Variants in TSTD2 observed in about 807,000 individuals in gnomAD.
TSTD2 encodes the protein thiosulfate sulfurtransferase/rhodanese-like domain-containing protein 2.
In TSTD2, 37 loss-of-function variants were observed where a neutral mutation model predicts 47.9. The ratio of observed to expected loss-of-function variants is 0.77; its 90% CI spans 0.59 to 1.02. TSTD2 has a LOEUF of 1.02. TSTD2 is among the 50% of genes least tolerant of loss of function. The pLI is 0.00. For missense variants in TSTD2, 586 were observed against 616.0 expected (o/e 0.95, Z 0.52); for synonymous variants, 201 against 215.9 (o/e 0.93, Z 0.61).
chr9:97,617,641 CCTAA>C (rs1267293793), intron 4 of TSTD2, 112 bp downstream of exon 4: 34 of 1,325,558 alleles, frequency 2.6e-5, no homozygotes, highest in Non-Finnish European at 3.3e-5. Context: ...GCAGAATTTC[CCTAA>C]CTTTTAAGAA....
At chr9:97,606,890 A>G (rs929486941) in intron 6 of TSTD2, among the ~76,000 whole-genome samples, 11 of 152,014 alleles carry the variant, frequency 7.2e-5, no homozygotes, top group African/African-American at 2.7e-4. Context: ...GACAACAGAA[A>G]CGACATATGA....
chr9:97,602,944 C>T (rs190313949), intron 9 of TSTD2, 177 bp from the exon 10 acceptor site: 2 of 568,324 alleles, frequency 3.5e-6, no homozygotes, highest in Admixed American at 4.0e-5. Context: ...CACCACCCAG[C>T]TTATTTTTTT....
intron 5 of TSTD2, 151 bp downstream of exon 5, chr9:97,611,423 A>G: frequency 1.1e-6 from 1 of 900,520 alleles, no homozygotes; most frequent in Non-Finnish European, 1.5e-6. Context: ...TCAAAAAACA[A>G]AACAAAAAAA....
Position 97,600,141 on chromosome 9 carries a change from C to CTGA in TSTD2, c.*2325_*2327dup. On this transcript the variant is annotated 3_prime_UTR_variant, in exon 10 of 10. Transcript: ENST00000341170. ...TTGTCTTAGCTATTAGCAAATAAAA[C>CTGA]TGATTATCATTCTTTATTAACCCTC... The CTGA allele has an allele frequency of 1.0e-6, 1 of 1,003,048 alleles. No homozygotes were observed. Among genetic ancestry groups the CTGA allele is most frequent in the African/African-American group, 1.7e-5 (1 of 58,000 alleles). 62.1% of individuals were successfully genotyped at this position (1,003,048 alleles called of 1,614,324 possible).
At chr9:97,631,390 G>T (rs1404841934) in intron 1 of TSTD2, among the ~76,000 whole-genome samples, 1 of 151,992 alleles carries the variant, frequency 6.6e-6, no homozygotes, top group Non-Finnish European at 1.5e-5. Context: ...CAAAGTGCTA[G>T]GATTACAGGG....
At chr9:97,614,975 G>A (rs893286258) in intron 4 of TSTD2, among the ~76,000 whole-genome samples, 4 of 152,168 alleles carry the variant, frequency 2.6e-5, no homozygotes, top group Non-Finnish European at 5.9e-5. Flanking sequence ...CCCAATCAGT[G>A]TAAGAGTCAG....
chr9:97,626,483 G>A (rs910656798), intron 2 of TSTD2, among the ~76,000 whole-genome samples: 1 of 152,092 alleles, frequency 6.6e-6, no homozygotes, highest in Non-Finnish European at 1.5e-5. Context: ...ACATTAAAAA[G>A]TACATTGAAA....
Position 97,627,588 on chromosome 9 carries a change from G to T in TSTD2, c.-26C>A, listed in dbSNP as rs752985158. On this transcript the variant is annotated 5_prime_UTR_variant, in exon 2 of 10. The change creates a new upstream start codon in the 5' untranslated region. Transcript: ENST00000341170. ...CTGGTTTGGTTGCAACAGTGAAGCAGATATTCCTTTCAGTTAAATACCTCC... is the reference window on the plus strand; with the variant it reads ...CTGGTTTGGTTGCAACAGTGAAGCATATATTCCTTTCAGTTAAATACCTCC... The T allele has an allele frequency of 6.4e-7, 1 of 1,554,518 alleles. No homozygotes were observed. Among genetic ancestry groups the T allele is most frequent in the Non-Finnish European group, 8.7e-7 (1 of 1,145,578 alleles).
intron 3 of TSTD2, among the ~76,000 whole-genome samples, chr9:97,621,196 T>C (rs773353926): frequency 3.9e-5 from 6 of 152,232 alleles, no homozygotes; most frequent in Admixed American, 6.5e-5. Flanking sequence ...TCTCTAAACA[T>C]AAATTGTGAA....
In TSTD2 at chr9:97,622,932, G is replaced by A. The variant is rs374535858; in HGVS notation, c.482+2749C>T. ...CTCATAGGCAGAAGGGATTTGCTTTGTCTCAGATGACATTTCAGACTGTGG... is the reference window on the plus strand; with the variant it reads ...CTCATAGGCAGAAGGGATTTGCTTTATCTCAGATGACATTTCAGACTGTGG... On this transcript the variant is annotated intron_variant, in intron 3 of 9. Transcript: ENST00000341170. Among the ~76,000 whole-genome samples the A allele has an allele frequency of 1.9e-3, 293 of 152,332 alleles. 3 individuals are homozygous for A. The highest frequency in any genetic ancestry group is 6.1e-3 in the African/African-American group (255 of 41,576).
rs545861614 is a variant in TSTD2, at chr9:97,614,019, G to A, written c.604-2320C>T. 3.3e-5 allele frequency among the ~76,000 whole-genome samples: 5 copies of A among 151,982 alleles called. 1 individual carries two copies. The highest frequency in any genetic ancestry group is 2.1e-4 in the South Asian group (1 of 4,808). On this transcript the variant is annotated intron_variant, in intron 4 of 9. Coordinates refer to ENST00000341170, the MANE Select transcript of TSTD2 (RefSeq NM_139246.5). ...AATTTTTCATATTTTTAGTAGAGAC[G>A]GGGTTTCACCGTGTTAGCCAGGATG...
chr9:97,617,999 T>G, intron 3 of TSTD2, 122 bp from the exon 4 acceptor site: 1 of 1,309,632 alleles, frequency 7.6e-7, no homozygotes, highest in Non-Finnish European at 1.0e-6. Flanking sequence ...TGCCTGTCTT[T>G]GCTGTGATGA....
At chr9:97,626,073 T>C (rs1370822325) in intron 2 of TSTD2, 76 bp from the exon 3 acceptor site, 1 of 1,393,514 alleles carries the variant, frequency 7.2e-7, no homozygotes, top group Non-Finnish European at 9.6e-7. Context: ...ACTAAGATTC[T>C]TTAGATTATC....
At chr9:97,619,662 AT>A (rs1224289739) in intron 3 of TSTD2, among the ~76,000 whole-genome samples, 1 of 151,928 alleles carries the variant, frequency 6.6e-6, no homozygotes, top group Non-Finnish European at 1.5e-5. Flanking sequence ...TCTTAATAAC[AT>A]TTTCTCTAGC....
chr9:97,604,849 A>G lies in TSTD2; in HGVS notation c.1130T>C (p.Val377Ala), dbSNP rs1564005658. Residue 377 changes from valine (V) to alanine (A), a missense_variant, in exon 9 of 10, where the codon GTG becomes GCG. Transcript: ENST00000341170. Reference sequence around the variant, plus strand: ...GTGGATGCCACCCTTGAGCTGGAACACCTCCTTGCACACTCCCTAGGTGTG... The same window carrying G: ...GTGGATGCCACCCTTGAGCTGGAACGCCTCCTTGCACACTCCCTAGGTGTG... Reference protein sequence around the residue: ...YLKAKGVCKEVFQLKGGIHKY... With the variant: ...YLKAKGVCKEAFQLKGGIHKY... 5.0e-6 allele frequency: 8 copies of G among 1,613,952 alleles called. No individual in the cohort carries two copies. The highest frequency in any genetic ancestry group is 8.5e-7 in the Non-Finnish European group (1 of 1,179,956).
At chr9:97,608,551 G>T (rs981314547) in intron 6 of TSTD2, among the ~76,000 whole-genome samples, 2 of 152,054 alleles carry the variant, frequency 1.3e-5, no homozygotes, top group Non-Finnish European at 2.9e-5. Flanking sequence ...CAGGAGAATC[G>T]CTTGAACCCC....
intron 2 of TSTD2, among the ~76,000 whole-genome samples, chr9:97,626,847 A>G (rs1266583723): frequency 6.6e-6 from 1 of 152,188 alleles, no homozygotes; most frequent in East Asian, 1.9e-4. Flanking sequence ...CCATAGCCTC[A>G]CTGAGTTCTA....
In TSTD2 at chr9:97,617,766, G is replaced by A; in HGVS notation, c.594C>T (p.Leu198=). The stretch of plus-strand genomic sequence containing the variant: ...TAGGAGAAGGTGTTACCTTGCCTGT[G>A]AGGTGCAGGTGCTGACACAGAGCTG... ...WQTALCQHLH[L]TGKIRIAAEG... is the part of the protein sequence containing the mutation. Residue 198 remains leucine, a synonymous_variant, in exon 4 of 10, where the codon CTC becomes CTT. Transcript: ENST00000341170. 1 of 1,613,446 alleles carries A rather than the reference G, an allele frequency of 6.2e-7. No individual in the cohort carries two copies. The highest frequency in any genetic ancestry group is 8.5e-7 in the Non-Finnish European group (1 of 1,179,804).
At chr9:97,630,238 C>A (rs1392064751) in intron 1 of TSTD2, among the ~76,000 whole-genome samples, 2 of 152,230 alleles carry the variant, frequency 1.3e-5, no homozygotes, top group African/African-American at 4.8e-5. Context: ...GACTCAAGGT[C>A]TCTGCACCTG....
Sources: gnomAD v4.1 joint callset for allele counts (sites outside exome capture counted in the v4.1 genomes callset) on GRCh38, gnomAD v4.1.1 for gene constraint, MANE v1.5 for transcripts, NCBI Gene and HGNC (gene_info 2026-07-23, HGNC 2026-07-21) for gene names.